The following GPHN variants were observed in gnomAD, a reference collection of about 807,000 sequenced individuals.
GPHN encodes gephyrin.
In GPHN, 17 loss-of-function variants were observed where a neutral mutation model predicts 95.5. That is an observed-to-expected ratio of 0.18 (90% CI 0.12 to 0.27). The LOEUF is 0.27. Among genes scored for constraint, GPHN ranks in the 10% least tolerant of loss-of-function variants. The pLI, the probability that GPHN is intolerant of heterozygous loss-of-function variation, is 1.00. For synonymous variants in GPHN, 320 were observed against 322.5 expected (o/e 0.99, Z 0.08); for missense variants, 660 against 978.1 (o/e 0.67, Z 4.34).
the GPHN span, chr14:67,205,144 C>A: frequency 6.8e-7 from 1 of 1,461,236 alleles, no homozygotes; most frequent in Non-Finnish European, 9.1e-7. Flanking sequence ...GAGGGGTTAC[C>A]GAGATCACAC....
chr14:67,626,662 G>A, the GPHN span, among the ~76,000 whole-genome samples: 1 of 152,084 alleles, frequency 6.6e-6, no homozygotes, highest in South Asian at 2.1e-4. Context: ...ATTTTGCCAT[G>A]TTGGCCAGGT....
At chr14:67,256,913 C>T in the GPHN span, among the ~76,000 whole-genome samples, 1 of 151,996 alleles carries the variant, frequency 6.6e-6, no homozygotes, top group African/African-American at 2.4e-5. Flanking sequence ...ATTGTGAACC[C>T]AAAATATCTG....
chr14:66,895,354 G>A (rs2064781945), intron 5 of GPHN, among the ~76,000 whole-genome samples: 1 of 152,226 alleles, frequency 6.6e-6, no homozygotes, highest in Non-Finnish European at 1.5e-5. Context: ...ACCGGGGCCT[G>A]TTGTGGGATG....
chr14:66,534,711 A>G (rs1405940220), intron 1 of GPHN, among the ~76,000 whole-genome samples: 4 of 152,090 alleles, frequency 2.6e-5, no homozygotes, highest in African/African-American at 4.8e-5. Context: ...AATATTGTGT[A>G]TTGTCAGTCT....
the GPHN span, chr14:67,562,134 C>T: frequency 1.2e-6 from 2 of 1,611,202 alleles, no homozygotes; most frequent in Non-Finnish European, 1.7e-6. Flanking sequence ...ACCCGAATCA[C>T]AGCTATTCAG....
chr14:67,312,513 T>G, the GPHN span: 1 of 1,512,468 alleles, frequency 6.6e-7, no homozygotes, highest in South Asian at 1.4e-5. Context: ...GTTTTTGCCC[T>G]TTTTATCTTT....
chr14:67,209,373 C>G, the GPHN span, among the ~76,000 whole-genome samples: 2 of 152,246 alleles, frequency 1.3e-5, no homozygotes, highest in Non-Finnish European at 2.9e-5. Flanking sequence ...TACAGGTGGT[C>G]AAGGCCATTT....
the GPHN span, among the ~76,000 whole-genome samples, chr14:67,442,461 G>A: frequency 6.6e-6 from 1 of 152,158 alleles, no homozygotes; most frequent in African/African-American, 2.4e-5. Flanking sequence ...TAGCGGTCCA[G>A]AAGGCAGAGT....
chr14:67,212,962 A>G, the GPHN span, among the ~76,000 whole-genome samples: 1 of 151,856 alleles, frequency 6.6e-6, no homozygotes, highest in Non-Finnish European at 1.5e-5. Context: ...TAAGGTTTCT[A>G]TATGAGTTGT....
chr14:66,592,017 T>C (rs1239449652), intron 1 of GPHN, among the ~76,000 whole-genome samples: 2 of 152,168 alleles, frequency 1.3e-5, no homozygotes, highest in Non-Finnish European at 2.9e-5. Context: ...TCTACAGCCA[T>C]CTTATCTTTG....
At chr14:66,872,488 G>T (rs1454395575) in intron 4 of GPHN, among the ~76,000 whole-genome samples, 3 of 152,086 alleles carry the variant, frequency 2.0e-5, no homozygotes, top group African/African-American at 7.2e-5. Flanking sequence ...TACCTATTTT[G>T]ATTGACCCTT....
At chr14:67,285,913 A>G in the GPHN span, among the ~76,000 whole-genome samples, 2 of 152,172 alleles carry the variant, frequency 1.3e-5, no homozygotes, top group Non-Finnish European at 2.9e-5. Context: ...GATTAGTTGT[A>G]TCCTAAAGCC....
chr14:67,661,720 TG>T, the GPHN span, among the ~76,000 whole-genome samples: 45 of 151,516 alleles, frequency 3.0e-4, 1 homozygote, highest in African/African-American at 1.1e-3. Context: ...TTGGTAGAGA[TG>T]GGGGGTCTCC....
chr14:67,599,656 G>A, the GPHN span, among the ~76,000 whole-genome samples: 5 of 152,162 alleles, frequency 3.3e-5, no homozygotes, highest in Non-Finnish European at 7.4e-5. Context: ...GATGGACGAG[G>A]AAGACCCACT....
the GPHN span, among the ~76,000 whole-genome samples, chr14:67,523,938 T>TAGTGACACAAAGAGCATTTCC: frequency 0.58 from 88,328 of 151,572 alleles, 26,097 homozygotes; most frequent in East Asian, 0.78. Context: ...GAGGGAAGAA[T>TAGTGACACAAAGAGCATTTCC]AGTGACACAA....
intron 4 of GPHN, among the ~76,000 whole-genome samples, chr14:66,869,633 CA>C (rs1398829800): frequency 6.6e-6 from 1 of 152,186 alleles, no homozygotes; most frequent in Non-Finnish European, 1.5e-5. Flanking sequence ...CTACTCTTTG[CA>C]GGTAGTTTCT....
the GPHN span, among the ~76,000 whole-genome samples, chr14:67,425,705 G>A: frequency 6.6e-6 from 1 of 152,096 alleles, no homozygotes; most frequent in Admixed American, 6.6e-5. Context: ...GCCTCCCAGG[G>A]ACCAGCCTCA....
chr14:67,151,789 G>A (rs1177010296), intron 18 of GPHN, among the ~76,000 whole-genome samples: 1 of 152,050 alleles, frequency 6.6e-6, no homozygotes, highest in Non-Finnish European at 1.5e-5. Flanking sequence ...GATCACAGGC[G>A]CATGCCATCA....
the GPHN span, among the ~76,000 whole-genome samples, chr14:67,463,516 G>A: frequency 6.6e-6 from 1 of 151,936 alleles, no homozygotes; most frequent in Non-Finnish European, 1.5e-5. Context: ...GCACGCGCCT[G>A]TAGTCCCAGC....
Sources: allele counts gnomAD v4.1 joint callset (sites outside exome capture counted in the v4.1 genomes callset), GRCh38; gene constraint gnomAD v4.1.1; transcripts MANE v1.5; gene names NCBI Gene and HGNC (gene_info 2026-07-23, HGNC 2026-07-21).